The following FGD3 variants were observed in gnomAD, a reference collection of about 807,000 sequenced individuals.
FGD3 encodes the protein FYVE, RhoGEF and PH domain containing 3.
In FGD3, 45 loss-of-function variants were observed where a neutral mutation model predicts 71.8. The observed-to-expected ratio is 0.63, with a 90% CI of 0.49 to 0.80. The LOEUF (loss-of-function observed/expected upper bound fraction) is 0.80, where lower values mean the gene tolerates loss of function less well. Among genes scored for constraint, FGD3 ranks in the 30% least tolerant of loss-of-function variants. FGD3 has a pLI of 0.00. For missense variants in FGD3, 844 were observed against 951.5 expected, an observed-to-expected ratio of 0.89 and a Z score of 1.49; for synonymous variants, 378 against 392.8, an observed-to-expected ratio of 0.96 and a Z score of 0.44.
At chr9:93,019,630 C>T (rs1054940627) in intron 11 of FGD3, among the ~76,000 whole-genome samples, 1 of 152,202 alleles carries the variant, frequency 6.6e-6, no homozygotes, top group Non-Finnish European at 1.5e-5. Flanking sequence ...TGAATTACAG[C>T]CACTGCAGAG....
intron 1 of FGD3, among the ~76,000 whole-genome samples, chr9:92,956,890 G>A (rs796067120): frequency 4.2e-5 from 6 of 142,100 alleles, no homozygotes; most frequent in African/African-American, 1.6e-4. Context: ...CCAGTCTGGA[G>A]TGCAGTGGTG....
chr9:93,021,568 C>T (rs138866933), intron 13 of FGD3, among the ~76,000 whole-genome samples: 9 of 152,208 alleles, frequency 5.9e-5, no homozygotes, highest in African/African-American at 2.2e-4. Context: ...TGCCCTGAAC[C>T]CTATGCCAGG....
At chr9:92,952,058 A>G (rs1858963647) in intron 1 of FGD3, among the ~76,000 whole-genome samples, 1 of 152,132 alleles carries the variant, frequency 6.6e-6, no homozygotes, top group South Asian at 2.1e-4. Flanking sequence ...TATGCTGCAT[A>G]AGGAATAATT....
Position 93,003,132 on chromosome 9 carries a change from C to CA in FGD3, c.543+118_543+119insA. On this transcript the variant is annotated intron_variant, in intron 4 of 17. Transcript: ENST00000375482. The surrounding 1 kb of genome is among the most constrained non-coding windows in gnomAD (Gnocchi z 4.1). ...GACAAATTTAAGTCTGGTCTACAAA[C>CA]TTTTTTTTTTTTTTGAGACAAAGTC... The CA allele has an allele frequency of 1.3e-6, 1 of 747,346 alleles. No individual in the cohort carries two copies. The highest frequency in any genetic ancestry group is 1.9e-5 in the South Asian group (1 of 52,086). 46.3% of individuals were successfully genotyped at this position (747,346 alleles called of 1,614,324 possible). A position where few individuals can be genotyped will look rare whatever the true frequency, so the allele number is the denominator to read the frequency against.
chr9:92,988,860 C>T (rs1442645238), intron 3 of FGD3, among the ~76,000 whole-genome samples: 2 of 152,148 alleles, frequency 1.3e-5, no homozygotes, highest in Non-Finnish European at 1.5e-5. Context: ...GAAGATCTAC[C>T]TGTTTTGTGG....
At chr9:93,033,443 CCT>C (rs1862452742) in intron 16 of FGD3, 1 of 164,084 alleles carries the variant, frequency 6.1e-6, no homozygotes, top group Admixed American at 5.8e-5. Flanking sequence ...CTCCCCGTAC[CCT>C]TTTTCTACTC....
chr9:92,967,943 G>A (rs1435194688), intron 1 of FGD3, among the ~76,000 whole-genome samples: 2 of 152,186 alleles, frequency 1.3e-5, no homozygotes, highest in Non-Finnish European at 2.9e-5. Context: ...AGGTTTCTAG[G>A]GATGGACACT....
In FGD3 at chr9:93,027,271, C is replaced by T. The variant is rs527313791; in HGVS notation, c.1558-2603C>T. Among the ~76,000 whole-genome samples, 127 of 152,258 alleles carry T rather than the reference C, an allele frequency of 8.3e-4. 1 individual carries two copies. Among genetic ancestry groups the T allele is most frequent in the Middle Eastern group, 3.4e-3 (1 of 294 alleles). On this transcript the variant is annotated intron_variant, in intron 14 of 17. Coordinates refer to ENST00000375482, the MANE Select transcript of FGD3 (RefSeq NM_001083536.2). ...ACCAGGCCACACAGCTGGAAGTGCC[C>T]GGCCAGAATTTGCACAGAGGCACTG...
At chr9:92,982,743 A>G (rs1034268382) in intron 3 of FGD3, among the ~76,000 whole-genome samples, 6 of 152,110 alleles carry the variant, frequency 3.9e-5, no homozygotes, top group African/African-American at 4.8e-5. Context: ...CAACGTTATC[A>G]GAAACCTGCA....
intron 1 of FGD3, among the ~76,000 whole-genome samples, chr9:92,966,240 A>G (rs1411532003): frequency 1.3e-5 from 2 of 152,138 alleles, no homozygotes; most frequent in Non-Finnish European, 1.5e-5. Flanking sequence ...CTGCAAGGAC[A>G]GTGCAGGGCA....
chr9:93,014,420 C>G (rs1861578403), intron 9 of FGD3, among the ~76,000 whole-genome samples: 2 of 152,114 alleles, frequency 1.3e-5, no homozygotes, highest in South Asian at 4.1e-4. Context: ...TCGAGACCCC[C>G]CCGGGTGCCA....
intron 14 of FGD3, among the ~76,000 whole-genome samples, chr9:93,025,040 T>C (rs1431751300): frequency 6.6e-6 from 1 of 152,158 alleles, no homozygotes; most frequent in African/African-American, 2.4e-5. Context: ...GGCGAGAAGG[T>C]AATTGGGGCT....
chr9:92,987,032 C>G (rs899298801), intron 3 of FGD3, among the ~76,000 whole-genome samples: 2 of 152,172 alleles, frequency 1.3e-5, no homozygotes, highest in Non-Finnish European at 2.9e-5. Context: ...GCAGACTTGC[C>G]TCCGAGGTAG....
At chr9:92,952,572 C>A (rs993193680) in intron 1 of FGD3, among the ~76,000 whole-genome samples, 2 of 152,046 alleles carry the variant, frequency 1.3e-5, no homozygotes, top group South Asian at 2.1e-4. Flanking sequence ...AAGGCCCCCC[C>A]ATCCCATCCT....
chr9:92,965,220 A>G (rs184799588), intron 1 of FGD3, among the ~76,000 whole-genome samples: 3 of 152,336 alleles, frequency 2.0e-5, no homozygotes, highest in Non-Finnish European at 4.4e-5. Context: ...GTGGTGACTG[A>G]GTCGTGCCAG....
At chr9:93,008,341 C>T (rs1564160251) in intron 6 of FGD3, among the ~76,000 whole-genome samples, 2 of 152,188 alleles carry the variant, frequency 1.3e-5, no homozygotes, top group African/African-American at 4.8e-5. Flanking sequence ...CACCGATTGT[C>T]CCAATAACAT....
chr9:92,991,364 C>T (rs373503989), intron 3 of FGD3, among the ~76,000 whole-genome samples: 97 of 152,280 alleles, frequency 6.4e-4, no homozygotes, highest in African/African-American at 2.3e-3. Flanking sequence ...CAGGTGTGAG[C>T]CATTGCACCC....
chr9:92,964,680 C>A (rs1285573149), intron 1 of FGD3, among the ~76,000 whole-genome samples: 1 of 152,188 alleles, frequency 6.6e-6, no homozygotes, highest in Non-Finnish European at 1.5e-5. Context: ...ATGAACGGTG[C>A]CTGCCCGTGT....
chr9:93,027,837 AG>A (rs1179565182), intron 14 of FGD3, among the ~76,000 whole-genome samples: 1 of 148,966 alleles, frequency 6.7e-6, no homozygotes, highest in East Asian at 2.0e-4. Flanking sequence ...CTCCTACCTA[AG>A]CCCCCCAAAT....
Sources: allele counts gnomAD v4.1 joint callset (sites outside exome capture counted in the v4.1 genomes callset), GRCh38; gene constraint gnomAD v4.1.1; non-coding constraint Gnocchi (gnomAD v3.1); transcripts MANE v1.5; gene names NCBI Gene and HGNC (gene_info 2026-07-23, HGNC 2026-07-21).